The following CERT1 variants were observed in gnomAD, a reference collection of about 807,000 sequenced individuals.
CERT1 encodes ceramide transporter 1, also known as ceramide transfer protein.
Under a neutral mutation model 87.9 loss-of-function variants are expected in CERT1, and 31 were observed. The observed-to-expected ratio is 0.35, with a 90% CI of 0.27 to 0.48. The LOEUF is 0.48. Among genes scored for constraint, CERT1 ranks in the 20% least tolerant of loss-of-function variants. The pLI is 0.99. For missense variants in CERT1, 487 were observed against 758.0 expected (o/e 0.64, Z 4.20); for synonymous variants, 289 against 250.9 (o/e 1.15, Z -1.44).
intron 3 of CERT1, among the ~76,000 whole-genome samples, chr5:75,428,862 C>T (rs114280728): frequency 0.026 from 3,929 of 152,166 alleles, 146 homozygotes; most frequent in African/African-American, 0.085. Flanking sequence ...TTCCAAAAAT[C>T]TTCCCTTGTG....
chr5:75,444,270 G>A (rs1764444685), intron 3 of CERT1, among the ~76,000 whole-genome samples: 1 of 152,150 alleles, frequency 6.6e-6, no homozygotes, highest in Admixed American at 6.5e-5. Context: ...TGGCCAGGCT[G>A]GTCTTGAACT....
At chr5:75,489,491 C>G (rs1766675086) in intron 2 of CERT1, among the ~76,000 whole-genome samples, 1 of 152,104 alleles carries the variant, frequency 6.6e-6, no homozygotes, top group Non-Finnish European at 1.5e-5. Context: ...TTTTTGCAGT[C>G]TATCCATTTG....
chr5:75,430,797 GAGGCCAAGGC>G (rs1763830788), intron 3 of CERT1, among the ~76,000 whole-genome samples: 2 of 152,056 alleles, frequency 1.3e-5, no homozygotes, highest in Admixed American at 6.6e-5. Context: ...CAGCACTCTG[GAGGCCAAGGC>G]AGGAGAACTG....
At chr5:75,452,024 C>G (rs577668099) in intron 3 of CERT1, among the ~76,000 whole-genome samples, 8 of 152,204 alleles carry the variant, frequency 5.3e-5, no homozygotes, top group Admixed American at 3.9e-4. Context: ...ATATATGTTC[C>G]TTTCAAAAAG....
intron 2 of CERT1, among the ~76,000 whole-genome samples, chr5:75,480,519 CT>C (rs1192948871): frequency 6.6e-6 from 1 of 152,218 alleles, no homozygotes; most frequent in Non-Finnish European, 1.5e-5. Context: ...AAACGATAAA[CT>C]CACACGCATA....
chr5:75,511,033 C>A, intron 1 of CERT1, 79 bp downstream of exon 1: 1 of 1,445,026 alleles, frequency 6.9e-7, no homozygotes, highest in Non-Finnish European at 9.1e-7. Flanking sequence ...CTCCCGCCAG[C>A]CCCACCCCAC....
downstream of CERT1, chr5:75,376,850 A>T (rs1180571525): frequency 6.6e-6 from 1 of 152,210 alleles, no homozygotes; most frequent in Non-Finnish European, 1.5e-5. Flanking sequence ...CAATAAATTT[A>T]GCTTTTGCAT....
At chr5:75,503,918 A>AAACATTAAATT (rs1767529607) in intron 2 of CERT1, among the ~76,000 whole-genome samples, 2 of 1,902 alleles carry the variant, frequency 1.1e-3, no homozygotes, top group African/African-American at 2.3e-3. Flanking sequence ...TTAATTTAAA[A>AAACATTAAATT]TTTTCTTTTC....
chr5:75,490,366 T>C (rs989979532), intron 2 of CERT1, among the ~76,000 whole-genome samples: 3 of 152,186 alleles, frequency 2.0e-5, no homozygotes, highest in Admixed American at 1.3e-4. Flanking sequence ...TTTTTCTTCT[T>C]CAGAGACTCT....
chr5:75,397,175 G>A (rs976553483), intron 11 of CERT1, among the ~76,000 whole-genome samples: 1 of 152,200 alleles, frequency 6.6e-6, no homozygotes, highest in Non-Finnish European at 1.5e-5. Context: ...GTCTGCTAAT[G>A]ACAACTAATG....
At chr5:75,382,712 T>C (rs1044621120) in intron 14 of CERT1, among the ~76,000 whole-genome samples, 1 of 151,836 alleles carries the variant, frequency 6.6e-6, no homozygotes. Flanking sequence ...TTATCTCGTA[T>C]ATGTATCTGG....
chr5:75,402,881 T>A, intron 9 of CERT1, 91 bp downstream of exon 9: 1 of 748,646 alleles, frequency 1.3e-6, no homozygotes. Context: ...TTCACAATGT[T>A]CAAATTCTAT....
At chr5:75,438,374 T>C (rs185225245) in intron 3 of CERT1, among the ~76,000 whole-genome samples, 52 of 152,318 alleles carry the variant, frequency 3.4e-4, no homozygotes, top group African/African-American at 1.2e-3. Context: ...GCATTTATAA[T>C]GTCTGCTTTT....
At chr5:75,454,354 A>G (rs1252572267) in intron 3 of CERT1, among the ~76,000 whole-genome samples, 1 of 152,198 alleles carries the variant, frequency 6.6e-6, no homozygotes, top group Non-Finnish European at 1.5e-5. Flanking sequence ...ATGTGGTTAT[A>G]TTATACATTA....
chr5:75,509,472 T>C (rs563191729), intron 1 of CERT1, among the ~76,000 whole-genome samples: 19 of 152,332 alleles, frequency 1.2e-4, no homozygotes, highest in South Asian at 4.1e-4. Context: ...ATTCTACATA[T>C]GCAGCAACAG....
At chr5:75,374,267 C>T (rs1367143317), downstream of CERT1, 3 of 418,380 alleles carry the variant, frequency 7.2e-6, no homozygotes, top group Non-Finnish European at 1.2e-5. Context: ...TGCAAGACTA[C>T]CAGAACAGAG....
rs202186981 is a variant in CERT1, at chr5:75,493,361, AAAC to A, written c.231+12618_231+12620del. 2.1e-3 allele frequency among the ~76,000 whole-genome samples: 323 copies of A among 152,366 alleles called. 1 individual carries two copies. The East Asian group carries it at 0.027, about 13-fold the overall frequency. On this transcript the variant is annotated intron_variant, in intron 2 of 16. Coordinates refer to ENST00000643780, the MANE Select transcript of CERT1 (RefSeq NM_001379029.1). ...GTATGCATCTCTAAAATATTTTTTA[AAAC>A]AACAAGAGGTAAATTTGTTGAGACC...
At chr5:75,413,527 C>A (rs1392484683) in intron 7 of CERT1, among the ~76,000 whole-genome samples, 3 of 152,050 alleles carry the variant, frequency 2.0e-5, no homozygotes, top group Non-Finnish European at 2.9e-5. Flanking sequence ...GAGGATCACC[C>A]GAGCCCTGGA....
chr5:75,479,029 TAAGTA>T (rs1766106855), intron 2 of CERT1, among the ~76,000 whole-genome samples: 1 of 145,488 alleles, frequency 6.9e-6, no homozygotes, highest in Non-Finnish European at 1.5e-5. Flanking sequence ...TCAAAATATA[TAAGTA>T]CAGTAATGGA....
Sources: gnomAD v4.1 joint callset for allele counts (sites outside exome capture counted in the v4.1 genomes callset) on GRCh38, gnomAD v4.1.1 for gene constraint, MANE v1.5 for transcripts, NCBI Gene and HGNC (gene_info 2026-07-23, HGNC 2026-07-21) for gene names.